TMEM273: variants seen among roughly 807,000 people sequenced by gnomAD.
TMEM273 encodes the protein transmembrane protein 273.
In TMEM273, 19 loss-of-function variants were observed where a neutral mutation model predicts 17.9. That is an observed-to-expected ratio of 1.06 (90% confidence interval 0.74 to 1.55). TMEM273 has a LOEUF of 1.55. Ranked by LOEUF, TMEM273 falls within the 40% of genes most tolerant of loss-of-function variation. The pLI is 0.00. For synonymous variants in TMEM273, 66 were observed against 62.0 expected, an observed-to-expected ratio of 1.07 and a Z score of -0.31; for missense variants, 194 against 155.6, an observed-to-expected ratio of 1.25 and a Z score of -1.31.
At position 49,166,803 on chromosome 10, in the gene TMEM273, T is replaced by C. The variant is rs527799638; in HGVS notation, c.238+66A>G. The C allele has an allele frequency of 1.9e-4, 298 of 1,601,854 alleles. 1 individual carries two copies. The highest frequency in any genetic ancestry group is 1.3e-5 in the Non-Finnish European group (15 of 1,175,190). On this transcript the variant is annotated intron_variant, in intron 3 of 6. Coordinates refer to ENST00000374153, the MANE Select transcript of TMEM273 (RefSeq NM_001288740.3). ...GGGTTCATTCTTGCTGTAGCCAGCA[T>C]CACAGAGTGGCCCTCGGTGCCTCGC...
chr10:49,177,836 TG>T (rs1847086798), intron 1 of TMEM273, among the ~76,000 whole-genome samples: 2 of 39,654 alleles, frequency 5.0e-5, no homozygotes, highest in Non-Finnish European at 2.4e-4. Context: ...TGTCTGCCAG[TG>T]GGGCTAAGCA....
intron 5 of TMEM273, among the ~76,000 whole-genome samples, chr10:49,163,938 G>A (rs748736413): frequency 2.0e-5 from 3 of 152,088 alleles, no homozygotes; most frequent in Admixed American, 6.5e-5. Flanking sequence ...TGCACCATGC[G>A]TTCATCCCTC....
intron 1 of TMEM273, among the ~76,000 whole-genome samples, chr10:49,183,452 T>G (rs1847476661): frequency 6.6e-6 from 1 of 152,220 alleles, no homozygotes. Context: ...GGCAGTCATA[T>G]GAGTGTTCTT....
intron 1 of TMEM273, among the ~76,000 whole-genome samples, chr10:49,181,865 T>C (rs1188377540): frequency 6.6e-6 from 1 of 152,226 alleles, no homozygotes; most frequent in African/African-American, 2.4e-5. Flanking sequence ...TAAACATTTT[T>C]GTTCGTAAAA....
At chr10:49,170,852 G>A (rs1031742221) in intron 1 of TMEM273, among the ~76,000 whole-genome samples, 1 of 152,170 alleles carries the variant, frequency 6.6e-6, no homozygotes, top group Non-Finnish European at 1.5e-5. Flanking sequence ...CATCCTGCTA[G>A]GGTCATGAGC....
chr10:49,167,939 C>T lies in TMEM273; in HGVS notation c.67G>A (p.Ala23Thr), dbSNP rs1454856537. 6.2e-6 allele frequency: 10 copies of T among 1,613,930 alleles called. No individual in the cohort carries two copies. Among genetic ancestry groups the T allele is most frequent in the Non-Finnish European group, 7.6e-6 (9 of 1,180,012 alleles). Residue 23 changes from alanine to threonine, a missense_variant, in exon 2 of 7, where the codon GCA (alanine) becomes ACA (threonine). Ala to Thr is a moderately conservative substitution (Grantham distance 58). Coordinates refer to ENST00000374153, the MANE Select transcript of TMEM273 (RefSeq NM_001288740.3). ...TCAGCCCCAGGGGTCTTGCCTGTTG[C>T]CAGCACTTGAGCTCCTCCTACATCT... ...LLDVGGAQVL[A>T]TGKTPGAEID...
chr10:49,170,888 C>A (rs757091252), intron 1 of TMEM273, among the ~76,000 whole-genome samples: 1 of 152,226 alleles, frequency 6.6e-6, no homozygotes, highest in East Asian at 1.9e-4. Flanking sequence ...GGGCCATAGA[C>A]CCCCTGCAAG....
chr10:49,158,197 A>G (rs769625371), intron 6 of TMEM273, among the ~76,000 whole-genome samples: 23 of 151,422 alleles, frequency 1.5e-4, no homozygotes, highest in Non-Finnish European at 3.1e-4. Context: ...TGAAAAAATT[A>G]TCTCTTTTCC....
rs1590168580 is a variant in TMEM273, at chr10:49,155,749, C to T, written c.*143G>A. The stretch of plus-strand genomic sequence containing the variant: ...AGAGGCACTGTATATTCTATTCCTT[C>T]TATTATTTGCCTCCAATATTCAGTC... On this transcript the variant is annotated 3_prime_UTR_variant, in exon 7 of 7. Transcript: ENST00000374153. 3.5e-6 allele frequency: 4 copies of T among 1,135,484 alleles called. No individual in the cohort carries two copies. In the Middle Eastern group the frequency reaches 5.8e-4, roughly 166 times the overall value. The allele number at this position is 1,135,484 out of a possible 1,614,324, so 70.3% of individuals were successfully genotyped here.
At chr10:49,186,307 T>C (rs1289218993) in intron 1 of TMEM273, among the ~76,000 whole-genome samples, 2 of 152,226 alleles carry the variant, frequency 1.3e-5, no homozygotes, top group African/African-American at 4.8e-5. Context: ...TTCCTACTGA[T>C]AGTCTCTTGT....
intron 1 of TMEM273, among the ~76,000 whole-genome samples, chr10:49,175,195 G>A (rs1005055466): frequency 6.6e-6 from 1 of 152,054 alleles, no homozygotes; most frequent in African/African-American, 2.4e-5. Context: ...AGCTGAGCAG[G>A]GTCAGAGCAG....
Position 49,167,978 on chromosome 10 carries a change from C to A in TMEM273, c.44-16G>T, listed in dbSNP as rs911962089. 6.2e-7 allele frequency: 1 copy of A among 1,613,938 alleles called. No homozygotes were observed. Among genetic ancestry groups the A allele is most frequent in the South Asian group, 1.1e-5 (1 of 91,074 alleles). ...CCTCCTACATCTGCAAAGAAAGAAACCCCAGAGCCTGGTTAGAACAGAGCT... is the reference window on the plus strand; with the variant it reads ...CCTCCTACATCTGCAAAGAAAGAAAACCCAGAGCCTGGTTAGAACAGAGCT... On this transcript the variant is annotated splice_polypyrimidine_tract_variant and intron_variant, in intron 1 of 6. Coordinates refer to ENST00000374153, the MANE Select transcript of TMEM273 (RefSeq NM_001288740.3).
At chr10:49,184,900 T>C (rs902614306) in intron 1 of TMEM273, among the ~76,000 whole-genome samples, 2 of 152,186 alleles carry the variant, frequency 1.3e-5, no homozygotes, top group Admixed American at 1.3e-4. Context: ...AGTGTTTCTG[T>C]GGAAACTTGT....
chr10:49,181,421 A>C (rs1352001319), intron 1 of TMEM273, among the ~76,000 whole-genome samples: 3 of 152,196 alleles, frequency 2.0e-5, no homozygotes, highest in Non-Finnish European at 4.4e-5. Context: ...TTTTTTGAAA[A>C]GGAAGAATAA....
At position 49,167,909 on chromosome 10, in the gene TMEM273, C is replaced by A. The variant is rs1221682891; in HGVS notation, c.97G>T (p.Asp33Tyr). 4.3e-6 allele frequency: 7 copies of A among 1,613,914 alleles called. No individual in the cohort carries two copies. Among genetic ancestry groups the A allele is most frequent in the Non-Finnish European group, 5.9e-6 (7 of 1,179,994 alleles). Reference sequence around the variant, plus strand: ...CAGAATAACATGGGCAGCCACGTACCAATTTCAGCCCCAGGGGTCTTGCCT... The same window carrying A: ...CAGAATAACATGGGCAGCCACGTACAAATTTCAGCCCCAGGGGTCTTGCCT... ...ATGKTPGAEI[D>Y]FKYALIGTAV... Residue 33 changes from aspartate (D) to tyrosine (Y), a missense_variant and splice_region_variant, in exon 2 of 7, where the codon GAT becomes TAT. Coordinates refer to ENST00000374153, the MANE Select transcript of TMEM273 (RefSeq NM_001288740.3).
At position 49,167,423 on chromosome 10, in the gene TMEM273, T is replaced by C. The variant is rs554652187; in HGVS notation, c.98-414A>G. Among the ~76,000 whole-genome samples, 187 of 152,346 alleles carry C rather than the reference T, an allele frequency of 1.2e-3. 1 individual carries two copies. The Middle Eastern group carries it at 0.02, about 17-fold the overall frequency. ...AGGCCTGTCTGGCCTTTGAGGAGCC[T>C]GCAGTCAGCTGGGGAGGACAGGGAA... is the stretch of plus-strand genomic sequence containing the variant. On this transcript the variant is annotated intron_variant, in intron 2 of 6. Transcript: ENST00000374153.
chr10:49,165,935 G>T, intron 3 of TMEM273, 139 bp from the exon 4 acceptor site: 1 of 1,063,440 alleles, frequency 9.4e-7, no homozygotes, highest in Non-Finnish European at 1.4e-6. Flanking sequence ...GCTGCTATGT[G>T]ATGAAGAGGC....
chr10:49,162,907 C>G (rs1845933862), intron 5 of TMEM273, among the ~76,000 whole-genome samples: 1 of 152,230 alleles, frequency 6.6e-6, no homozygotes, highest in Non-Finnish European at 1.5e-5. Flanking sequence ...TCCAAGAGCC[C>G]TGTGTGAAAA....
At chr10:49,180,477 C>T (rs747400803) in intron 1 of TMEM273, among the ~76,000 whole-genome samples, 1 of 152,176 alleles carries the variant, frequency 6.6e-6, no homozygotes, top group African/African-American at 2.4e-5. Flanking sequence ...CAGGCTCCAC[C>T]CCCCTAGCAA....
Sources: gnomAD v4.1 joint callset for allele counts (sites outside exome capture counted in the v4.1 genomes callset) on GRCh38, gnomAD v4.1.1 for gene constraint, MANE v1.5 for transcripts, NCBI Gene and HGNC (gene_info 2026-07-23, HGNC 2026-07-21) for gene names.